MMS19: variants seen among roughly 807,000 people sequenced by gnomAD.
MMS19 encodes MMS19 nucleotide excision repair protein homolog.
Under a neutral mutation model 129.8 loss-of-function variants are expected in MMS19, and 77 were observed. The ratio of observed to expected loss-of-function variants is 0.59; its 90% confidence interval spans 0.49 to 0.72. The LOEUF is 0.72. Ranked by LOEUF, MMS19 falls within the 30% of genes least tolerant of loss-of-function variation. MMS19 has a pLI of 0.00. For missense variants in MMS19, 1,168 were observed against 1,266.3 expected, an observed-to-expected ratio of 0.92 and a Z score of 1.18; for synonymous variants, 491 against 502.8, an observed-to-expected ratio of 0.98 and a Z score of 0.31.
chr10:97,468,135 T>C (rs1170106968), intron 13 of MMS19, 117 bp downstream of exon 13: 1 of 952,888 alleles, frequency 1.0e-6, no homozygotes, highest in African/African-American at 1.7e-5. Context: ...CAGCAGCTAA[T>C]GGGAGCAAAA....
intron 23 of MMS19, 78 bp from the exon 24 acceptor site, chr10:97,461,085 G>T: frequency 2.5e-6 from 3 of 1,185,320 alleles, no homozygotes; most frequent in Non-Finnish European, 3.6e-6. Context: ...CACTTTAAGT[G>T]CAGAGCTCCC....
At chr10:97,462,454 A>T in intron 20 of MMS19, 129 bp downstream of exon 20, 1 of 699,448 alleles carries the variant, frequency 1.4e-6, no homozygotes, top group East Asian at 2.7e-5. Context: ...AACAAAACTT[A>T]CAAGACGATT....
At chr10:97,461,426 G>A in intron 23 of MMS19, 70 bp downstream of exon 23, 1 of 1,530,186 alleles carries the variant, frequency 6.5e-7, no homozygotes, top group Non-Finnish European at 8.9e-7. Flanking sequence ...AAAAGAGAAT[G>A]AGTACTGAGC....
At chr10:97,459,843 G>T in intron 26 of MMS19, 102 bp from the exon 27 acceptor site, 1 of 1,051,934 alleles carries the variant, frequency 9.5e-7, no homozygotes, top group Non-Finnish European at 1.4e-6. Context: ...GCCTACAAAC[G>T]GGTGAAAGAG....
At chr10:97,466,990 A>ATT in intron 14 of MMS19, 89 bp from the exon 15 acceptor site, 8 of 1,393,258 alleles carry the variant, frequency 5.7e-6, no homozygotes, top group East Asian at 2.6e-5. Flanking sequence ...CCTGGGGTAG[A>ATT]TTTTTTTTTT....
At chr10:97,462,482 A>C (rs944979120) in intron 20 of MMS19, 101 bp downstream of exon 20, 1 of 801,038 alleles carries the variant, frequency 1.2e-6, no homozygotes, top group Admixed American at 2.2e-5. Flanking sequence ...CCACATTTAC[A>C]TATAGGTAAA....
rs1177062588 is a variant in MMS19 at position 97,470,128 on chromosome 10, C to G, written c.846+1G>C. 8 of 1,602,808 alleles carry G rather than the reference C, an allele frequency of 5.0e-6. No individual in the cohort carries two copies. The highest frequency in any genetic ancestry group is 6.8e-6 in the Non-Finnish European group (8 of 1,172,920). ...GTCCTGCAAGGAGAAAAATCACTCA[C>G]CAGAGTCTGTAGAGAATCCAACTTG... On this transcript the variant is annotated splice_donor_variant, in intron 10 of 30. Coordinates refer to ENST00000438925, the MANE Select transcript of MMS19 (RefSeq NM_022362.5). LOFTEE classifies it high-confidence loss of function.
intron 8 of MMS19, among the ~76,000 whole-genome samples, chr10:97,471,901 G>C (rs1161074573): frequency 6.6e-6 from 1 of 152,110 alleles, no homozygotes; most frequent in Non-Finnish European, 1.5e-5. Context: ...GTACAAAATA[G>C]AAAACAAAAG....
rs142480743 is a variant in MMS19 at position 97,478,588 on chromosome 10, A to G, written c.263-199T>C. Among the ~76,000 whole-genome samples the G allele has an allele frequency of 3.8e-3, 578 of 152,300 alleles. 2 individuals are homozygous for G. The highest frequency in any genetic ancestry group is 5.8e-3 in the Non-Finnish European group (394 of 68,030). ...CGGGAAAATAGGGGAACATTTCTTA[A>G]TATCCATTCTCATACAGGTCCACAG... On this transcript the variant is annotated intron_variant, in intron 3 of 30. Coordinates refer to ENST00000438925, the MANE Select transcript of MMS19 (RefSeq NM_022362.5).
At chr10:97,493,091 A>G (rs938558448) in intron 1 of MMS19, among the ~76,000 whole-genome samples, 2 of 151,836 alleles carry the variant, frequency 1.3e-5, no homozygotes, top group Non-Finnish European at 2.9e-5. Context: ...GGCTCAATGT[A>G]ACCTCTCCCT....
intron 14 of MMS19, 88 bp downstream of exon 14, chr10:97,467,417 C>G: frequency 1.0e-6 from 1 of 1,003,918 alleles, no homozygotes; most frequent in Non-Finnish European, 1.5e-6. Context: ...TTCTAGACTA[C>G]TTTTCCACAG....
chr10:97,468,881 T>C (rs2034100259), intron 12 of MMS19, 85 bp downstream of exon 12: 2 of 1,438,574 alleles, frequency 1.4e-6, no homozygotes. Flanking sequence ...AGTGCAGGGA[T>C]TACAGGCGTG....
At chr10:97,467,830 A>ATTTT (rs1285490114) in intron 13 of MMS19, among the ~76,000 whole-genome samples, 2 of 137,396 alleles carry the variant, frequency 1.5e-5, no homozygotes, top group Admixed American at 7.4e-5. Flanking sequence ...TATCCAGCTA[A>ATTTT]TTTTTTTTTT....
intron 1 of MMS19, among the ~76,000 whole-genome samples, chr10:97,490,611 C>G (rs1564704697): frequency 6.6e-6 from 1 of 152,176 alleles, no homozygotes; most frequent in Non-Finnish European, 1.5e-5. Context: ...AACTAGTCAG[C>G]TTGTGCCAAT....
At chr10:97,464,034 T>A in intron 18 of MMS19, 21 bp from the exon 19 acceptor site, 2 of 1,604,338 alleles carry the variant, frequency 1.2e-6, no homozygotes, top group South Asian at 2.2e-5. Flanking sequence ...GAAAGTGTTC[T>A]CTGTAAGGTT....
At chr10:97,483,377 T>C (rs752567029) in intron 2 of MMS19, among the ~76,000 whole-genome samples, 5 of 152,178 alleles carry the variant, frequency 3.3e-5, no homozygotes, top group Admixed American at 6.5e-5. Context: ...TTTTTTTTAA[T>C]GGACCAAGGC....
Position 97,476,895 on chromosome 10 carries a change from G to A in MMS19, c.562C>T (p.Arg188Cys), listed in dbSNP as rs143513996. 239 of 1,613,938 alleles carry A rather than the reference G, an allele frequency of 1.5e-4. 1 individual carries two copies. Among genetic ancestry groups the A allele is most frequent in the Middle Eastern group, 6.6e-4 (4 of 6,060 alleles). ...ATGCGGAAGGCCACCAGAAGATTAC[G>A]GGGATCCTTTTCCCCATCCATCACC... Reference protein sequence around the residue: ...IQVMDGEKDPRNLLVAFRIVH... With the variant: ...IQVMDGEKDPCNLLVAFRIVH... Residue 188 changes from arginine to cysteine, a missense_variant, in exon 7 of 31, where the codon CGT becomes TGT. Transcript: ENST00000438925.
rs568029669 is a variant in MMS19, at chr10:97,466,070, T to A, written c.1595A>T (p.Glu532Val). The A allele has an allele frequency of 6.2e-7, 1 of 1,613,544 alleles. No homozygotes were observed. Among genetic ancestry groups the A allele is most frequent in the South Asian group, 1.1e-5 (1 of 91,062 alleles). Reference protein sequence around the residue: ...SSHLVPKLAEELRVGESNLTN... With the variant: ...SSHLVPKLAEVLRVGESNLTN... ...TTAGAGACACATACCTACACGCAGC[T>A]CCTCAGCGAGCTTGGGTACGAGGTG... Residue 532 changes from glutamate (E) to valine (V), a missense_variant, in exon 17 of 31, where the codon GAG (glutamate) becomes GTG (valine). By Grantham distance (121) the Glu-to-Val change is moderately radical (BLOSUM62 -2). Around this residue, in one of 3 missense-constraint regions of MMS19, gnomAD observed 831 missense variants for 910.8 expected, o/e 0.91. Coordinates refer to ENST00000438925, the MANE Select transcript of MMS19 (RefSeq NM_022362.5).
rs2031977177 is a variant in MMS19, at chr10:97,461,673, G to A, written c.2185-51C>T. The A allele has an allele frequency of 3.2e-6, 5 of 1,580,670 alleles. No homozygotes were observed. The African/African-American group carries it at 5.4e-5, about 17-fold the overall frequency. ...GACCCAGAGAACACTTGAACTCCAA[G>A]AGAACCAGTACATAGTGGCAGCAGG... On this transcript the variant is annotated intron_variant, in intron 22 of 30. Transcript: ENST00000438925.
Sources: allele counts gnomAD v4.1 joint callset (sites outside exome capture counted in the v4.1 genomes callset), GRCh38; gene constraint gnomAD v4.1.1; regional missense constraint gnomAD v4.1.1; transcripts MANE v1.5; gene names NCBI Gene and HGNC (gene_info 2026-07-23, HGNC 2026-07-21).